CLIP4: variants seen among roughly 807,000 people sequenced by gnomAD.
The protein encoded by CLIP4 is CAP-Gly domain containing linker protein family member 4.
CLIP4 carries 47 observed loss-of-function variants against 73.1 expected under a neutral mutation model. That is an observed-to-expected ratio of 0.64 (90% CI 0.51 to 0.82). The LOEUF (loss-of-function observed/expected upper bound fraction) is 0.82. Ranked by LOEUF, CLIP4 falls within the 40% of genes least tolerant of loss-of-function variation. The probability of loss-of-function intolerance (pLI) is 0.00; values close to 1 mark genes in which losing one functional copy is unlikely to be tolerated. For missense variants in CLIP4, 874 were observed against 852.9 expected, an observed-to-expected ratio of 1.02 and a Z score of -0.31; for synonymous variants, 306 against 295.4, an observed-to-expected ratio of 1.04 and a Z score of -0.37.
At position 29,181,917 on chromosome 2, in the gene CLIP4, C is replaced by A. The variant is rs761206396; in HGVS notation, c.*24C>A. ...AAGCTTCTAAAATATTAAATAAGCT[C>A]AAATATATATATTTGGTGTAAATAA... On this transcript the variant is annotated 3_prime_UTR_variant, in exon 16 of 16. Coordinates refer to ENST00000320081, the MANE Select transcript of CLIP4 (RefSeq NM_024692.6). 19 of 1,536,270 alleles carry A rather than the reference C, an allele frequency of 1.2e-5. No individual in the cohort carries two copies. The highest frequency in any genetic ancestry group is 9.9e-5 in the South Asian group (8 of 81,182).
intron 12 of CLIP4, 80 bp from the exon 13 acceptor site, chr2:29,163,751 C>T (rs1344887356): frequency 2.9e-6 from 4 of 1,383,086 alleles, no homozygotes; most frequent in East Asian, 2.4e-5. Context: ...GTTAAAACAC[C>T]TCGACTTTGG....
At chr2:29,120,678 C>T (rs962147321) in intron 1 of CLIP4, among the ~76,000 whole-genome samples, 1 of 152,110 alleles carries the variant, frequency 6.6e-6, no homozygotes, top group Admixed American at 6.5e-5. Context: ...CTTTCTACAT[C>T]ATTTCTGAGA....
At chr2:29,166,888 C>G (rs908521879) in intron 13 of CLIP4, among the ~76,000 whole-genome samples, 17 of 152,178 alleles carry the variant, frequency 1.1e-4, no homozygotes, top group African/African-American at 4.1e-4. Context: ...AGATTTAGGT[C>G]ACTAAACAGT....
chr2:29,153,664 G>A (rs1666731679), intron 9 of CLIP4, among the ~76,000 whole-genome samples: 1 of 152,140 alleles, frequency 6.6e-6, no homozygotes, highest in South Asian at 2.1e-4. Context: ...CAAAACAGGT[G>A]CTCAATAAAC....
At chr2:29,129,424 A>T (rs1558525543) in intron 2 of CLIP4, among the ~76,000 whole-genome samples, 1 of 152,036 alleles carries the variant, frequency 6.6e-6, no homozygotes, top group Non-Finnish European at 1.5e-5. Flanking sequence ...TCTATTGAAC[A>T]TACATAGCTA....
chr2:29,153,710 C>G (rs762590104), intron 9 of CLIP4, among the ~76,000 whole-genome samples: 8 of 152,302 alleles, frequency 5.3e-5, no homozygotes, highest in Non-Finnish European at 1.0e-4. Flanking sequence ...GTAGAAAGCT[C>G]TCTACCAGGA....
intron 8 of CLIP4, among the ~76,000 whole-genome samples, chr2:29,146,994 T>C (rs75521058): frequency 6.6e-6 from 1 of 152,096 alleles, no homozygotes; most frequent in African/African-American, 2.4e-5. Flanking sequence ...TTAAAACTTT[T>C]TTTGTTTGTT....
At chr2:29,149,956 T>C (rs945827610) in intron 8 of CLIP4, among the ~76,000 whole-genome samples, 1 of 152,234 alleles carries the variant, frequency 6.6e-6, no homozygotes, top group Non-Finnish European at 1.5e-5. Flanking sequence ...TGCCTTCATA[T>C]TGATAAAAAT....
rs369599093 is a variant in CLIP4 at position 29,139,747 on chromosome 2, A to G, written c.649-3962A>G. On this transcript the variant is annotated intron_variant, in intron 6 of 15. Coordinates refer to ENST00000320081, the MANE Select transcript of CLIP4 (RefSeq NM_024692.6). ...AGGAATTTAGATTCCTAGATTTTCT[A>G]GATTTCCTCTAGATTTTCTAGTTTA... Among the ~76,000 whole-genome samples, 5 of 152,074 alleles carry G rather than the reference A, an allele frequency of 3.3e-5. No homozygotes were observed. In the East Asian group the frequency reaches 9.6e-4, roughly 29 times the overall value.
At chr2:29,164,077 TAACC>T in intron 13 of CLIP4, 123 bp downstream of exon 13, 1 of 817,498 alleles carries the variant, frequency 1.2e-6, no homozygotes. Flanking sequence ...TTCAAGGGGT[TAACC>T]AACCACCTTC....
At chr2:29,147,042 G>C (rs1206788337) in intron 8 of CLIP4, among the ~76,000 whole-genome samples, 1 of 152,080 alleles carries the variant, frequency 6.6e-6, no homozygotes, top group East Asian at 1.9e-4. Flanking sequence ...GAAAACAAGA[G>C]GAAAGTAAAA....
At chr2:29,167,648 G>C (rs1667713775) in intron 14 of CLIP4, 108 bp downstream of exon 14, 17 of 707,754 alleles carry the variant, frequency 2.4e-5, no homozygotes, top group Non-Finnish European at 3.7e-5. Context: ...AACTGTATTT[G>C]TATAGTTTTT....
rs751966043 is a variant in CLIP4, at chr2:29,152,784, C to T, written c.1121C>T (p.Ser374Phe). ...AAAGCTGCTGTACCTCTCATCAGGT[C>T]CCAGAAAATTGACGTAGCTCATGTG... ...STKAAVPLIR[S>F]QKIDVAHVTS... is the part of the protein sequence containing the mutation. The change falls in exon 9 of 16, where the codon TCC becomes TTC. Residue 374 changes from serine (S) to phenylalanine (F), a missense_variant. Ser to Phe is a radical substitution (Grantham distance 155). Coordinates refer to ENST00000320081, the MANE Select transcript of CLIP4 (RefSeq NM_024692.6). The T allele has an allele frequency of 8.1e-5, 131 of 1,613,674 alleles. No homozygotes were observed. Among genetic ancestry groups the T allele is most frequent in the Non-Finnish European group, 1.1e-4 (128 of 1,179,854 alleles).
chr2:29,157,098 A>G (rs1666975121), intron 10 of CLIP4, 106 bp from the exon 11 acceptor site: 1 of 930,196 alleles, frequency 1.1e-6, no homozygotes, highest in Admixed American at 1.8e-5. Flanking sequence ...GATAATCCAT[A>G]ATTGAGGAAG....
intron 3 of CLIP4, chr2:29,131,915 G>T: frequency 2.2e-6 from 1 of 457,742 alleles, no homozygotes; most frequent in South Asian, 4.5e-5. Flanking sequence ...TGGAGTGCCA[G>T]ATTACCTTTG....
At chr2:29,122,699 C>T (rs147730702) in intron 2 of CLIP4, among the ~76,000 whole-genome samples, 86 of 151,912 alleles carry the variant, frequency 5.7e-4, no homozygotes, top group African/African-American at 1.8e-3. Flanking sequence ...TGGTGGTGTG[C>T]GCCTATATTG....
At chr2:29,164,852 C>T (rs545750908) in intron 13 of CLIP4, among the ~76,000 whole-genome samples, 4 of 152,256 alleles carry the variant, frequency 2.6e-5, no homozygotes, top group African/African-American at 9.6e-5. Flanking sequence ...CTATGATATA[C>T]TTGACATAAT....
intron 11 of CLIP4, among the ~76,000 whole-genome samples, chr2:29,158,443 G>A (rs1171808042): frequency 2.0e-5 from 3 of 151,814 alleles, no homozygotes; most frequent in Non-Finnish European, 4.4e-5. Flanking sequence ...AAATAAATTT[G>A]AGGGTTATGT....
intron 2 of CLIP4, among the ~76,000 whole-genome samples, chr2:29,128,608 G>A (rs926184307): frequency 6.6e-6 from 1 of 152,032 alleles, no homozygotes; most frequent in South Asian, 2.1e-4. Flanking sequence ...TCAAGAGCAG[G>A]CCCATACTCC....
Sources: allele counts gnomAD v4.1 joint callset (sites outside exome capture counted in the v4.1 genomes callset), GRCh38; gene constraint gnomAD v4.1.1; transcripts MANE v1.5; gene names NCBI Gene and HGNC (gene_info 2026-07-23, HGNC 2026-07-21).